Variants in MED13 observed in about 807,000 individuals in gnomAD.
MED13 encodes the protein mediator complex subunit 13, also known as mediator of RNA polymerase II transcription subunit 13.
Under a neutral mutation model 225.2 loss-of-function variants are expected in MED13, and 23 were observed. The observed-to-expected ratio is 0.10, with a 90% CI of 0.07 to 0.14. The LOEUF (loss-of-function observed/expected upper bound fraction) is 0.14. Among genes scored for constraint, MED13 ranks in the 10% least tolerant of loss-of-function variants. The probability of loss-of-function intolerance (pLI) is 1.00; values close to 1 mark genes in which losing one functional copy is unlikely to be tolerated. For missense variants in MED13, 2,197 were observed against 2,594.5 expected, an observed-to-expected ratio of 0.85 and a Z score of 3.33; for synonymous variants, 942 against 889.2, an observed-to-expected ratio of 1.06 and a Z score of -1.06.
chr17:62,047,290 G>A (rs1174253221), intron 3 of MED13, among the ~76,000 whole-genome samples: 1 of 152,108 alleles, frequency 6.6e-6, no homozygotes, highest in Non-Finnish European at 1.5e-5. Context: ...AGAATTGCTT[G>A]AATCCAGGAG....
chr17:62,064,970 G>C, intron 1 of MED13, among the ~76,000 whole-genome samples, 170 bp downstream of exon 1: 1 of 152,328 alleles, frequency 6.6e-6, no homozygotes, highest in South Asian at 2.1e-4. Context: ...GACCGTAGGA[G>C]AGCGAACGCC....
intron 18 of MED13, among the ~76,000 whole-genome samples, 194 bp from the exon 19 acceptor site, chr17:61,966,845 G>A (rs1038362266): frequency 3.3e-5 from 5 of 151,902 alleles, no homozygotes; most frequent in African/African-American, 9.7e-5. Context: ...GGTGCCATAG[G>A]TCTTTTTCAT....
intron 22 of MED13, 131 bp from the exon 23 acceptor site, chr17:61,961,221 G>C: frequency 1.2e-6 from 1 of 813,662 alleles, no homozygotes; most frequent in South Asian, 1.9e-5. Context: ...ATTGCACTTA[G>C]TTTTGCATAG....
intron 8 of MED13, among the ~76,000 whole-genome samples, chr17:62,017,643 G>C (rs1019175762): frequency 2.6e-5 from 4 of 152,152 alleles, no homozygotes; most frequent in African/African-American, 9.7e-5. Flanking sequence ...AACTGAACAT[G>C]AATCAAAGGG....
chr17:61,970,183 T>A (rs2080094731), intron 17 of MED13, among the ~76,000 whole-genome samples: 1 of 152,142 alleles, frequency 6.6e-6, no homozygotes, highest in Non-Finnish European at 1.5e-5. Flanking sequence ...TGAGAAAACA[T>A]AAATGAGGAA....
At chr17:62,016,183 A>C (rs2080578998) in intron 8 of MED13, among the ~76,000 whole-genome samples, 1 of 149,506 alleles carries the variant, frequency 6.7e-6, no homozygotes, top group East Asian at 2.0e-4. Flanking sequence ...AACAACAAAA[A>C]AAAAAACCCA....
At chr17:62,001,766 T>C (rs1283269254) in intron 9 of MED13, among the ~76,000 whole-genome samples, 1 of 152,236 alleles carries the variant, frequency 6.6e-6, no homozygotes. Flanking sequence ...TATTTTCCAT[T>C]AGACTACAAT....
At chr17:62,058,577 G>A (rs979056054) in intron 2 of MED13, among the ~76,000 whole-genome samples, 2 of 150,666 alleles carry the variant, frequency 1.3e-5, no homozygotes, top group African/African-American at 4.9e-5. Flanking sequence ...AACCCCAAAG[G>A]AGTTTTATTC....
intron 23 of MED13, among the ~76,000 whole-genome samples, chr17:61,958,884 T>A (rs891365091): frequency 1.3e-5 from 2 of 152,194 alleles, no homozygotes; most frequent in Admixed American, 6.5e-5. Context: ...AATAAAATTA[T>A]CCTCTAGACT....
intron 3 of MED13, among the ~76,000 whole-genome samples, chr17:62,044,451 T>G (rs1401330177): frequency 2.6e-5 from 4 of 152,192 alleles, no homozygotes; most frequent in East Asian, 3.8e-4. Flanking sequence ...AATCAAAAAT[T>G]TATCACTCTC....
chr17:62,054,566 TTTAA>T (rs1203932586), intron 2 of MED13, among the ~76,000 whole-genome samples: 22 of 152,194 alleles, frequency 1.4e-4, no homozygotes, highest in South Asian at 2.1e-4. Flanking sequence ...GTGACTTCAC[TTTAA>T]TTAATTAAAG....
chr17:61,995,337 T>G lies in MED13; in HGVS notation c.1996A>C (p.Lys666Gln). The G allele has an allele frequency of 6.2e-7, 1 of 1,612,410 alleles. No homozygotes were observed. Among genetic ancestry groups the G allele is most frequent in the South Asian group, 1.1e-5 (1 of 90,528 alleles). ...ELMVQCKKPLKVSDELVQQYQ... is the reference protein window; with the variant it reads ...ELMVQCKKPLQVSDELVQQYQ... ...TGCTGCACTAATTCATCAGAAACTT[T>G]TAAAGGTTTCTTACATTGCACCATT... The change falls in exon 10 of 30, where the codon AAA becomes CAA. Residue 666 changes from lysine (K) to glutamine (Q), a missense_variant. Physicochemically the swap from Lys to Gln is moderately conservative, Grantham distance 53. Around this residue, in one of 12 missense-constraint regions of MED13, gnomAD observed 884 missense variants for 918.5 expected, o/e 0.96. Coordinates refer to ENST00000397786, the MANE Select transcript of MED13 (RefSeq NM_005121.3).
At chr17:62,020,573 G>A (rs912090603) in intron 8 of MED13, among the ~76,000 whole-genome samples, 3 of 151,678 alleles carry the variant, frequency 2.0e-5, no homozygotes, top group Non-Finnish European at 4.4e-5. Context: ...TAGAGATGGG[G>A]TTTCACCATG....
At chr17:61,980,353 C>T (rs1362534981) in intron 16 of MED13, among the ~76,000 whole-genome samples, 1 of 152,130 alleles carries the variant, frequency 6.6e-6, no homozygotes, top group East Asian at 1.9e-4. Context: ...TACAATTACT[C>T]TACAGTTTAT....
chr17:61,984,191 T>TG lies in MED13; in HGVS notation c.2867dup (p.Met957AsnfsTer8). ...CATACCCCTCTTTGATGAATGGCAT[T>TG]GAAGGCCCTGAAGAAAGCAATTCCA... On this transcript the variant is annotated frameshift_variant, in exon 15 of 30. Coordinates refer to ENST00000397786, the MANE Select transcript of MED13 (RefSeq NM_005121.3). LOFTEE classifies it high-confidence loss of function. The TG allele has an allele frequency of 6.3e-7, 1 of 1,579,420 alleles. No homozygotes were observed. The highest frequency in any genetic ancestry group is 8.6e-7 in the Non-Finnish European group (1 of 1,164,970).
At chr17:62,005,722 T>C (rs1427793194) in intron 9 of MED13, 1 of 152,244 alleles carries the variant, frequency 6.6e-6, no homozygotes, top group Non-Finnish European at 1.5e-5. Flanking sequence ...CATTTTAATT[T>C]ACTATTATTT....
chr17:62,011,286 GTA>G, intron 8 of MED13, 53 bp from the exon 9 acceptor site: 1 of 1,459,286 alleles, frequency 6.9e-7, no homozygotes, highest in Non-Finnish European at 9.3e-7. Context: ...TTATGGCGAA[GTA>G]TAATACCAGT....
chr17:62,043,431 C>A (rs2080872703), intron 3 of MED13, among the ~76,000 whole-genome samples: 3 of 152,148 alleles, frequency 2.0e-5, no homozygotes, highest in African/African-American at 4.8e-5. Flanking sequence ...CACATCCAGT[C>A]TGCTGAAGTA....
At chr17:61,978,173 C>T (rs1447489221) in intron 16 of MED13, among the ~76,000 whole-genome samples, 2 of 151,576 alleles carry the variant, frequency 1.3e-5, no homozygotes, top group East Asian at 1.9e-4. Flanking sequence ...TTCTTCAGAC[C>T]GAGTTTCACT....
Sources: allele counts gnomAD v4.1 joint callset (sites outside exome capture counted in the v4.1 genomes callset), GRCh38; gene constraint gnomAD v4.1.1; regional missense constraint gnomAD v4.1.1; transcripts MANE v1.5; gene names NCBI Gene and HGNC (gene_info 2026-07-23, HGNC 2026-07-21).